Variants in TMEFF1 observed in about 807,000 individuals in gnomAD.
TMEFF1 encodes tomoregulin-1.
TMEFF1 carries 20 observed loss-of-function variants against 47.5 expected under a neutral mutation model. That is an observed-to-expected ratio of 0.42 (90% CI 0.30 to 0.61). The LOEUF is 0.61. TMEFF1 is among the 20% of genes least tolerant of loss of function. TMEFF1 has a pLI of 0.19. For missense variants in TMEFF1, 411 were observed against 471.1 expected (o/e 0.87, Z 1.18); for synonymous variants, 162 against 166.3 (o/e 0.97, Z 0.20).
In TMEFF1 at chr9:100,500,955, G is replaced by T. The variant is rs1052253378; in HGVS notation, c.306+2081G>T. 6.6e-5 allele frequency among the ~76,000 whole-genome samples: 10 copies of T among 152,280 alleles called. No individual in the cohort carries two copies. The East Asian group carries it at 1.7e-3, about 26-fold the overall frequency. On this transcript the variant is annotated intron_variant, in intron 2 of 9. Transcript: ENST00000374879. ...TCTTTTAGCCTCACTGGGGCTACTT[G>T]GAGTCTGCCCCATGTGTGGTTTAGG...
At chr9:100,534,602 T>G (rs1345445292) in intron 5 of TMEFF1, among the ~76,000 whole-genome samples, 1 of 152,226 alleles carries the variant, frequency 6.6e-6, no homozygotes, top group Non-Finnish European at 1.5e-5. Flanking sequence ...GCTCATTGTT[T>G]CACTGAGCTG....
At chr9:100,561,764 C>T (rs59823190) in intron 8 of TMEFF1, among the ~76,000 whole-genome samples, 37,135 of 150,654 alleles carry the variant, frequency 0.25, 5,201 homozygotes, top group African/African-American at 0.37. Flanking sequence ...ATTTTTAATA[C>T]AAAAAATAAA....
intron 9 of TMEFF1, among the ~76,000 whole-genome samples, chr9:100,575,833 G>C (rs1039810548): frequency 1.3e-5 from 2 of 151,878 alleles, no homozygotes; most frequent in Non-Finnish European, 2.9e-5. Flanking sequence ...TTGCAATCTA[G>C]TGTGCAGGCA....
chr9:100,535,758 T>C (rs1175901879), intron 5 of TMEFF1, among the ~76,000 whole-genome samples: 12 of 152,212 alleles, frequency 7.9e-5, no homozygotes, highest in African/African-American at 1.9e-4. Flanking sequence ...AGTGAGACCG[T>C]ATCTCAAAAA....
chr9:100,493,988 G>C (rs913773742), intron 1 of TMEFF1, among the ~76,000 whole-genome samples: 7 of 152,056 alleles, frequency 4.6e-5, no homozygotes, highest in African/African-American at 1.7e-4. Flanking sequence ...TTCAAGATCA[G>C]CCTGGGCAAC....
intron 3 of TMEFF1, among the ~76,000 whole-genome samples, chr9:100,510,818 T>C (rs1837950180): frequency 6.6e-6 from 1 of 152,120 alleles, no homozygotes; most frequent in Non-Finnish European, 1.5e-5. Context: ...TATAATTTGA[T>C]GAGTTGGTTG....
At chr9:100,564,924 A>C (rs1839092913) in intron 8 of TMEFF1, among the ~76,000 whole-genome samples, 1 of 152,164 alleles carries the variant, frequency 6.6e-6, no homozygotes, top group East Asian at 1.9e-4. Context: ...GGATATGAGC[A>C]CGAGAACCTG....
chr9:100,509,553 T>G (rs13286805), intron 3 of TMEFF1, among the ~76,000 whole-genome samples: 1 of 151,744 alleles, frequency 6.6e-6, no homozygotes, highest in South Asian at 2.1e-4. Flanking sequence ...GCGGGCAGAT[T>G]ACGAGGTCAG....
rs57783126 is a variant in TMEFF1 at position 100,555,193 on chromosome 9, ACG to A, written c.775+5035_775+5036del. On this transcript the variant is annotated intron_variant, in intron 7 of 9. Transcript: ENST00000374879. ...CACACACACACACACACACACACAC[ACG>A]CACACACATTGTTGCAGTTGCAACA... 6.7e-4 allele frequency among the ~76,000 whole-genome samples: 102 copies of A among 151,350 alleles called. No individual in the cohort carries two copies. In the South Asian group the frequency reaches 0.02, roughly 29 times the overall value.
At chr9:100,502,241 T>G (rs1380860242) in intron 2 of TMEFF1, among the ~76,000 whole-genome samples, 1 of 152,206 alleles carries the variant, frequency 6.6e-6, no homozygotes, top group Non-Finnish European at 1.5e-5. Context: ...CATTTTTTTG[T>G]TTTTCTTTTT....
At chr9:100,486,777 C>T (rs1043531035) in intron 1 of TMEFF1, among the ~76,000 whole-genome samples, 3 of 152,204 alleles carry the variant, frequency 2.0e-5, no homozygotes, top group South Asian at 4.1e-4. Flanking sequence ...AGACCACAGA[C>T]GTGTGCCACC....
intron 5 of TMEFF1, 31 bp downstream of exon 5, chr9:100,516,802 A>G (rs969194733): frequency 1.2e-6 from 2 of 1,605,246 alleles, no homozygotes; most frequent in Non-Finnish European, 8.5e-7. Context: ...GGACAAAGTT[A>G]TTTAGAGATT....
In TMEFF1 at chr9:100,509,092, C is replaced by A; in HGVS notation, c.394C>A (p.Gln132Lys). 6.3e-7 allele frequency: 1 copy of A among 1,597,302 alleles called. No homozygotes were observed. The highest frequency in any genetic ancestry group is 8.5e-7 in the Non-Finnish European group (1 of 1,173,172). ...TCTCAGAAGGGCTGCTTGTAAGCACCAGAAAGAGATAACAGTAATAGCAAG... is the reference window on the plus strand; with the variant it reads ...TCTCAGAAGGGCTGCTTGTAAGCACAAGAAAGAGATAACAGTAATAGCAAG... ...CFLRRAACKH[Q>K]KEITVIARGP... Residue 132 changes from glutamine (Q) to lysine (K), a missense_variant, in exon 3 of 10, where the codon CAG becomes AAG. Gln to Lys is a moderately conservative substitution (Grantham distance 53, BLOSUM62 1). Coordinates refer to ENST00000374879, the MANE Select transcript of TMEFF1 (RefSeq NM_003692.5).
In TMEFF1 at chr9:100,473,448, C is replaced by A. The variant is rs1367540749; in HGVS notation, c.-97C>A. The A allele has an allele frequency of 1.9e-5, 19 of 994,028 alleles. No individual in the cohort carries two copies. The highest frequency in any genetic ancestry group is 2.3e-5 in the Non-Finnish European group (18 of 771,328). 61.6% of individuals were successfully genotyped at this position (994,028 alleles called of 1,614,324 possible). A position where few individuals can be genotyped will look rare whatever the true frequency, so the allele number is the denominator to read the frequency against. ...GCTCCCCGGCTCAGCGGCGCGGCTG[C>A]TAGGAGGCACCGAGGCAGCGGCGGG... is the stretch of plus-strand genomic sequence containing the variant. On this transcript the variant is annotated 5_prime_UTR_variant, in exon 1 of 10. The change creates a premature stop within an existing upstream ORF in the 5' untranslated region. Transcript: ENST00000374879. This position sits in a 1 kb window ranked among gnomAD's most constrained non-coding sequence, Gnocchi z 5.4.
rs115066936 is a variant in TMEFF1, at chr9:100,483,776, G to A, written c.196+10036G>A. Among the ~76,000 whole-genome samples the A allele has an allele frequency of 6.5e-3, 951 of 146,374 alleles. 10 individuals are homozygous for A. The highest frequency in any genetic ancestry group is 0.023 in the African/African-American group (873 of 38,612). On this transcript the variant is annotated intron_variant, in intron 1 of 9. Transcript: ENST00000374879. ...TGTATCTACTCTTTCTCTCTCTATC[G>A]TCTGTCTGTCTGTTTTTTTTTTCCC...
chr9:100,540,335 C>G (rs1395675855), intron 5 of TMEFF1, among the ~76,000 whole-genome samples: 1 of 152,242 alleles, frequency 6.6e-6, no homozygotes, highest in Non-Finnish European at 1.5e-5. Context: ...CAGAAAAGTT[C>G]TCCAAGTCCC....
intron 9 of TMEFF1, 152 bp from the exon 10 acceptor site, chr9:100,576,364 C>T: frequency 1.0e-6 from 1 of 983,922 alleles, no homozygotes; most frequent in Non-Finnish European, 1.5e-6. Context: ...TTCATCTTGT[C>T]TTGCAACAGA....
In TMEFF1 at chr9:100,548,164, AG is replaced by A. The variant is rs550044194; in HGVS notation, c.709+273del. On this transcript the variant is annotated intron_variant, in intron 6 of 9. Coordinates refer to ENST00000374879, the MANE Select transcript of TMEFF1 (RefSeq NM_003692.5). ...ACATGGAATTATAATTATTATTTAT[AG>A]TTCTAATATCATCTCAAATTTGGAA... Among the ~76,000 whole-genome samples the A allele has an allele frequency of 2.7e-4, 41 of 152,178 alleles. No homozygotes were observed. In the South Asian group the frequency reaches 7.9e-3, roughly 29 times the overall value.
intron 5 of TMEFF1, among the ~76,000 whole-genome samples, chr9:100,537,317 A>G (rs1339765050): frequency 1.3e-5 from 2 of 152,180 alleles, no homozygotes; most frequent in African/African-American, 2.4e-5. Context: ...TTGGAGGGTG[A>G]TGAGGATGAT....
Sources: gnomAD v4.1 joint callset for allele counts (sites outside exome capture counted in the v4.1 genomes callset) on GRCh38, gnomAD v4.1.1 for gene constraint, Gnocchi (gnomAD v3.1) non-coding constraint, MANE v1.5 for transcripts, NCBI Gene and HGNC (gene_info 2026-07-23, HGNC 2026-07-21) for gene names.